The following COPG1 variants were observed in gnomAD, a reference collection of about 807,000 sequenced individuals.
COPG1 encodes coat protein complex I subunit gamma 1.
A neutral mutation model predicts 102.8 loss-of-function variants in COPG1; 29 were observed. The observed-to-expected ratio is 0.28, with a 90% CI of 0.21 to 0.38. The LOEUF is 0.38. Among genes scored for constraint, COPG1 ranks in the 10% least tolerant of loss-of-function variants. COPG1 has a pLI of 1.00. For missense variants in COPG1, 875 were observed against 1,132.7 expected (o/e 0.77, Z 3.27); for synonymous variants, 406 against 421.6 (o/e 0.96, Z 0.45).
At chr3:129,252,111 G>C (rs931458162) in intron 2 of COPG1, among the ~76,000 whole-genome samples, 170 bp from the exon 3 acceptor site, 44 of 152,316 alleles carry the variant, frequency 2.9e-4, no homozygotes, top group African/African-American at 9.9e-4. Flanking sequence ...AGAATAATTA[G>C]TAGTTGATTA....
In COPG1 at chr3:129,274,835, C is replaced by T. The variant is rs1352816775; in HGVS notation, c.2257-3C>T. On this transcript the variant is annotated splice_region_variant and splice_polypyrimidine_tract_variant and intron_variant, in intron 21 of 23. Coordinates refer to ENST00000314797, the MANE Select transcript of COPG1 (RefSeq NM_016128.4). ...TGCCTGATTTCTACCTCCATCTCTC[C>T]AGCTGGAAGATCTGGAAGTTACTGT... 1.2e-6 allele frequency: 2 copies of T among 1,613,792 alleles called. No homozygotes were observed. The highest frequency in any genetic ancestry group is 1.1e-5 in the South Asian group (1 of 91,068).
intron 21 of COPG1, among the ~76,000 whole-genome samples, chr3:129,273,646 C>T (rs1940220643): frequency 6.6e-6 from 1 of 152,146 alleles, no homozygotes; most frequent in Admixed American, 6.5e-5. Context: ...TTTGGGTTTC[C>T]ATATTTTCAC....
chr3:129,276,685 C>T (rs1397140759), intron 23 of COPG1, among the ~76,000 whole-genome samples: 1 of 152,168 alleles, frequency 6.6e-6, no homozygotes, highest in Non-Finnish European at 1.5e-5. Context: ...AGTCAACGTG[C>T]AAGAGCCTCT....
Position 129,275,073 on chromosome 3 carries a change from C to A in COPG1, c.2395+97C>A. The A allele has an allele frequency of 6.6e-7, 1 of 1,510,150 alleles. No homozygotes were observed. The highest frequency in any genetic ancestry group is 9.2e-7 in the Non-Finnish European group (1 of 1,092,230). 93.5% of individuals were successfully genotyped at this position (1,510,150 alleles called of 1,614,324 possible). A position where few individuals can be genotyped will look rare whatever the true frequency, so the allele number is the denominator to read the frequency against. ...CCCTTTTCTCTCCAAGGATCCAGGG[C>A]CATGTCTGGAGCACATATGTCAAAT... On this transcript the variant is annotated intron_variant, in intron 22 of 23. Transcript: ENST00000314797. This position sits in a 1 kb window ranked among gnomAD's most constrained non-coding sequence, Gnocchi z 5.0.
chr3:129,275,386 G>A lies in COPG1; in HGVS notation c.2494+94G>A, dbSNP rs1940246143. 2.3e-6 allele frequency: 2 copies of A among 862,056 alleles called. No homozygotes were observed. The highest frequency in any genetic ancestry group is 3.7e-6 in the Non-Finnish European group (2 of 537,928). 53.4% of individuals were successfully genotyped at this position (862,056 alleles called of 1,614,324 possible). A position where few individuals can be genotyped will look rare whatever the true frequency, so the allele number is the denominator to read the frequency against. On this transcript the variant is annotated intron_variant, in intron 23 of 23. Transcript: ENST00000314797. This position sits in a 1 kb window ranked among gnomAD's most constrained non-coding sequence, Gnocchi z 5.0. ...AAGGACTCCACTGTAAATATGGGGA[G>A]TCAAAATTCACAGCATTTAAAATTC...
Position 129,256,049 on chromosome 3 carries a change from T to C in COPG1, c.493-19T>C. The C allele has an allele frequency of 1.2e-6, 2 of 1,611,276 alleles. No individual in the cohort carries two copies. The highest frequency in any genetic ancestry group is 1.7e-6 in the Non-Finnish European group (2 of 1,177,986). ...GGGACACTTCCTACCTGCCCCTTAA[T>C]GTGTCCTGTTGCCCACAGCACCTGC... On this transcript the variant is annotated intron_variant, in intron 7 of 23. Transcript: ENST00000314797.
intron 12 of COPG1, among the ~76,000 whole-genome samples, chr3:129,261,211 A>G (rs1939919517): frequency 6.6e-6 from 1 of 152,222 alleles, no homozygotes; most frequent in Admixed American, 6.5e-5. Context: ...AGAAAGGAGT[A>G]GACGAGATCA....
Position 129,272,404 on chromosome 3 carries a change from ACCCCACAGC to A in COPG1, c.2148_2156del (p.Pro717_Ala719del). 6.2e-7 allele frequency: 1 copy of A among 1,612,800 alleles called. No homozygotes were observed. Among genetic ancestry groups the A allele is most frequent in the Non-Finnish European group, 8.5e-7 (1 of 1,179,604 alleles). ...ACACTGGTGGCACTGCCCAAAGAAG[ACCCCACAGC>A]TGGTGAGCCCCTCTCCAGATACCAC... On this transcript the variant is annotated inframe_deletion and splice_region_variant, in exon 20 of 24. Transcript: ENST00000314797.
intron 18 of COPG1, among the ~76,000 whole-genome samples, chr3:129,269,295 C>T (rs1940145244): frequency 6.6e-6 from 1 of 152,142 alleles, no homozygotes; most frequent in Admixed American, 6.5e-5. Flanking sequence ...GAGCCCAGGC[C>T]AGTTCAGAAT....
chr3:129,263,285 G>A (rs539331813), intron 12 of COPG1, among the ~76,000 whole-genome samples: 1 of 152,210 alleles, frequency 6.6e-6, no homozygotes, highest in South Asian at 2.1e-4. Flanking sequence ...GAAAAGATGG[G>A]GTATTGGATG....
intron 21 of COPG1, among the ~76,000 whole-genome samples, chr3:129,273,895 G>A (rs1366852937): frequency 1.3e-5 from 2 of 152,160 alleles, no homozygotes; most frequent in African/African-American, 4.8e-5. Context: ...TTAGCTCGGT[G>A]GAACTAAGTA....
At chr3:129,266,913 T>C in intron 14 of COPG1, 111 bp from the exon 15 acceptor site, 1 of 908,512 alleles carries the variant, frequency 1.1e-6, no homozygotes, top group Non-Finnish European at 1.8e-6. Context: ...GGCTTGAGAC[T>C]TCTTGCCTCT....
At chr3:129,274,070 A>G (rs1313264905) in intron 21 of COPG1, 1 of 456,074 alleles carries the variant, frequency 2.2e-6, no homozygotes, top group East Asian at 6.9e-5. Flanking sequence ...CTAGAGTCAC[A>G]GTTGAGGATG....
chr3:129,272,931 GT>G, intron 21 of COPG1, 27 bp downstream of exon 21: 1 of 1,413,140 alleles, frequency 7.1e-7, no homozygotes, highest in East Asian at 2.3e-5. Context: ...AGGAAGCTCA[GT>G]TTTGTGCTGA....
chr3:129,257,472 C>T lies in COPG1; in HGVS notation c.582C>T (p.Tyr194=). Residue 194 remains tyrosine (Y), a splice_region_variant and synonymous_variant, in exon 9 of 24, where the codon TAC becomes TAT. Coordinates refer to ENST00000314797, the MANE Select transcript of COPG1 (RefSeq NM_016128.4). ...AASSDNIMVQ[Y]HALGLLYHVR... ...TGTTGCTGTCTCCTGTCCTATAGTA[C>T]CACGCACTAGGGCTCCTGTACCATG... 6.2e-7 allele frequency: 1 copy of T among 1,614,144 alleles called. No individual in the cohort carries two copies. Among genetic ancestry groups the T allele is most frequent in the Non-Finnish European group, 8.5e-7 (1 of 1,180,000 alleles).
At chr3:129,263,791 G>T (rs1939994486) in intron 12 of COPG1, 113 bp from the exon 13 acceptor site, 1 of 853,724 alleles carries the variant, frequency 1.2e-6, no homozygotes. Context: ...TTGCCCTTGT[G>T]TCATGCCCAA....
At chr3:129,251,471 C>T (rs1277659140) in intron 2 of COPG1, among the ~76,000 whole-genome samples, 5 of 151,450 alleles carry the variant, frequency 3.3e-5, no homozygotes, top group Non-Finnish European at 7.4e-5. Flanking sequence ...CAACCTCTGC[C>T]TCCTGGGTTC....
chr3:129,253,826 C>T (rs1414615936), intron 5 of COPG1, among the ~76,000 whole-genome samples: 1 of 151,964 alleles, frequency 6.6e-6, no homozygotes, highest in Admixed American at 6.6e-5. Context: ...ATGGTGAAAC[C>T]CCGTTTCTAC....
At chr3:129,251,986 CTTCT>C (rs1391054234) in intron 2 of COPG1, among the ~76,000 whole-genome samples, 5 of 152,326 alleles carry the variant, frequency 3.3e-5, no homozygotes, top group Non-Finnish European at 4.4e-5. Flanking sequence ...CGTCCAGCCG[CTTCT>C]TTCTTTATTG....
Sources: gnomAD v4.1 joint callset for allele counts (sites outside exome capture counted in the v4.1 genomes callset) on GRCh38, gnomAD v4.1.1 for gene constraint, Gnocchi (gnomAD v3.1) non-coding constraint, MANE v1.5 for transcripts, NCBI Gene and HGNC (gene_info 2026-07-23, HGNC 2026-07-21) for gene names.